Variants in ROBO1 observed in about 807,000 individuals in gnomAD.
ROBO1 encodes roundabout homolog 1.
In ROBO1, 149 loss-of-function variants were observed where a neutral mutation model predicts 195.9. That is an observed-to-expected ratio of 0.76 (90% CI 0.67 to 0.87). The LOEUF is 0.87. Among genes scored for constraint, ROBO1 ranks in the 40% least tolerant of loss-of-function variants. The pLI is 0.00. For synonymous variants in ROBO1, 816 were observed against 733.2 expected (o/e 1.11, Z -1.82); for missense variants, 1,933 against 2,068.3 (o/e 0.93, Z 1.27).
rs545136104 is a variant in ROBO1 at position 78,614,794 on chromosome 3, C to T, written c.4289G>A (p.Arg1430Gln). Residue 1430 changes from arginine to glutamine, a missense_variant, in exon 28 of 31, where the codon CGA becomes CAA. Transcript: ENST00000464233. ...RRQMQDAAGR[R>Q]HFHASQCPRP... ...AGGGCACTGAGACGCATGAAAATGT[C>T]GACGGCCTAAGGAGAAAAAAAAAAA... 14 of 1,596,430 alleles carry T rather than the reference C, an allele frequency of 8.8e-6. No individual in the cohort carries two copies. Among genetic ancestry groups the T allele is most frequent in the East Asian group, 2.2e-5 (1 of 44,470 alleles).
chr3:79,381,638 G>T (rs905202409), intron 2 of ROBO1, among the ~76,000 whole-genome samples: 51 of 151,908 alleles, frequency 3.4e-4, no homozygotes, highest in African/African-American at 1.2e-3. Flanking sequence ...TTAAACTCTA[G>T]CCTAGTGTAA....
At chr3:78,726,849 C>T (rs901246474) in intron 5 of ROBO1, among the ~76,000 whole-genome samples, 1 of 152,128 alleles carries the variant, frequency 6.6e-6, no homozygotes, top group Non-Finnish European at 1.5e-5. Context: ...AGAGTCACAA[C>T]AATAACGGCT....
intron 1 of ROBO1, among the ~76,000 whole-genome samples, chr3:79,705,787 T>C (rs898901326): frequency 2.0e-5 from 3 of 152,176 alleles, no homozygotes; most frequent in Non-Finnish European, 4.4e-5. Flanking sequence ...ATCTTGATAA[T>C]ATCGAGTCTT....
intron 20 of ROBO1, among the ~76,000 whole-genome samples, chr3:78,646,711 T>G (rs1706317331): frequency 6.6e-6 from 1 of 151,754 alleles, no homozygotes; most frequent in African/African-American, 2.4e-5. Flanking sequence ...GTATGCCAAG[T>G]TGTGACTATT....
chr3:78,602,603 G>A (rs1703242288), intron 29 of ROBO1, among the ~76,000 whole-genome samples: 1 of 152,150 alleles, frequency 6.6e-6, no homozygotes, highest in South Asian at 2.1e-4. Context: ...GTCATAAGGG[G>A]AGGTATTTTG....
intron 2 of ROBO1, among the ~76,000 whole-genome samples, chr3:79,522,188 A>C (rs1941237417): frequency 6.6e-6 from 1 of 152,180 alleles, no homozygotes; most frequent in African/African-American, 2.4e-5. Context: ...ACTTACTGGT[A>C]ATTGTATTGC....
At chr3:79,754,221 A>T (rs1270531152) in intron 1 of ROBO1, among the ~76,000 whole-genome samples, 2 of 152,196 alleles carry the variant, frequency 1.3e-5, no homozygotes, top group African/African-American at 4.8e-5. Flanking sequence ...ATAAGCAGTG[A>T]TTATTCTGAA....
chr3:78,742,869 C>T (rs1423090379), intron 5 of ROBO1, among the ~76,000 whole-genome samples: 1 of 152,118 alleles, frequency 6.6e-6, no homozygotes, highest in African/African-American at 2.4e-5. Flanking sequence ...AACTGGTGCT[C>T]TTTAATTAGA....
intron 2 of ROBO1, among the ~76,000 whole-genome samples, chr3:79,476,005 A>T (rs1257801625): frequency 1.3e-5 from 2 of 152,148 alleles, no homozygotes; most frequent in Non-Finnish European, 2.9e-5. Flanking sequence ...GATATTAAAA[A>T]TCTGTTGAAG....
rs375271433 is a variant in ROBO1, at chr3:79,557,020, GTT to G, written c.88+32802_88+32803del. On this transcript the variant is annotated intron_variant, in intron 2 of 30. Transcript: ENST00000464233. ...TATACTCTGAATTCCTTTTTTTGTT[GTT>G]TTTTTTTTTTATTTTTGTGGCAGAC... Among the ~76,000 whole-genome samples, 532 of 135,796 alleles carry G rather than the reference GTT, an allele frequency of 3.9e-3. 2 individuals carry two copies. Among genetic ancestry groups the G allele is most frequent in the African/African-American group, 0.012 (461 of 37,484 alleles). 89.1% of individuals were successfully genotyped at this position (135,796 alleles called of 152,430 possible).
intron 1 of ROBO1, among the ~76,000 whole-genome samples, chr3:79,713,499 A>G (rs1702357906): frequency 6.6e-6 from 1 of 152,142 alleles, no homozygotes; most frequent in Non-Finnish European, 1.5e-5. Flanking sequence ...GAAGAGTTTA[A>G]GCCTTCATTG....
At chr3:78,860,091 A>C (rs1371871945) in intron 4 of ROBO1, among the ~76,000 whole-genome samples, 1 of 151,296 alleles carries the variant, frequency 6.6e-6, no homozygotes, top group Non-Finnish European at 1.5e-5. Flanking sequence ...AAAAAAAAAA[A>C]AGACACAAGG....
At chr3:79,172,798 G>A (rs540549086) in intron 2 of ROBO1, among the ~76,000 whole-genome samples, 110 of 152,020 alleles carry the variant, frequency 7.2e-4, no homozygotes, top group Non-Finnish European at 1.0e-3. Context: ...TTTTGCTTAC[G>A]ACATTTGTTC....
intron 2 of ROBO1, among the ~76,000 whole-genome samples, chr3:79,387,597 C>T (rs893562517): frequency 2.6e-5 from 4 of 151,684 alleles, no homozygotes; most frequent in Non-Finnish European, 2.9e-5. Flanking sequence ...TTTAAATTCC[C>T]GGTTACTTTT....
intron 2 of ROBO1, among the ~76,000 whole-genome samples, chr3:79,414,777 A>AGACT (rs2037929848): frequency 6.6e-6 from 1 of 152,184 alleles, no homozygotes. Flanking sequence ...ACACATTCAA[A>AGACT]GACTAGCTTT....
intron 2 of ROBO1, among the ~76,000 whole-genome samples, chr3:79,412,551 G>A (rs1248871940): frequency 6.6e-6 from 1 of 152,124 alleles, no homozygotes; most frequent in African/African-American, 2.4e-5. Context: ...CTTGTTCACA[G>A]AGCTCTGACA....
chr3:79,467,200 A>G (rs192709170), intron 2 of ROBO1, among the ~76,000 whole-genome samples: 2 of 152,226 alleles, frequency 1.3e-5, no homozygotes, highest in Non-Finnish European at 2.9e-5. Flanking sequence ...GGGGTTTGAT[A>G]ATGGATATTG....
chr3:79,735,697 C>T (rs1208838313), intron 1 of ROBO1, among the ~76,000 whole-genome samples: 1 of 152,016 alleles, frequency 6.6e-6, no homozygotes, highest in Non-Finnish European at 1.5e-5. Context: ...GGTGAAACCC[C>T]GTCTCTACTA....
chr3:79,517,279 A>G (rs1940990586), intron 2 of ROBO1, among the ~76,000 whole-genome samples: 1 of 152,326 alleles, frequency 6.6e-6, no homozygotes, highest in South Asian at 2.1e-4. Context: ...CCAATAACTG[A>G]ATTTCCAGCG....
Sources: gnomAD v4.1 joint callset for allele counts (sites outside exome capture counted in the v4.1 genomes callset) on GRCh38, gnomAD v4.1.1 for gene constraint, MANE v1.5 for transcripts, NCBI Gene and HGNC (gene_info 2026-07-23, HGNC 2026-07-21) for gene names.